TRPC6: variants seen among roughly 807,000 people sequenced by gnomAD.
TRPC6 encodes short transient receptor potential channel 6.
A neutral mutation model predicts 90.7 loss-of-function variants in TRPC6; 55 were observed. The ratio of observed to expected loss-of-function variants is 0.61; its 90% CI spans 0.49 to 0.76. The LOEUF is 0.76. Ranked by LOEUF, TRPC6 falls within the 30% of genes least tolerant of loss-of-function variation. TRPC6 has a pLI of 0.00. For missense variants in TRPC6, 989 were observed against 1,122.7 expected, an observed-to-expected ratio of 0.88 and a Z score of 1.70; for synonymous variants, 393 against 393.0, an observed-to-expected ratio of 1.00 and a Z score of 0.00.
Position 101,452,760 on chromosome 11 carries a change from A to G in TRPC6, c.*195T>C. ...CTGGGCATAATTTTCCTCATTATCT[A>G]CAGCCTTTACCCTGAACAATGGAGT... On this transcript the variant is annotated 3_prime_UTR_variant, in exon 13 of 13. Transcript: ENST00000344327. 8.3e-6 allele frequency: 5 copies of G among 603,102 alleles called. No homozygotes were observed. Among genetic ancestry groups the G allele is most frequent in the Admixed American group, 3.0e-5 (1 of 33,300 alleles). 37.4% of individuals were successfully genotyped at this position (603,102 alleles called of 1,614,324 possible).
At chr11:101,476,256 G>A (rs1308935272) in intron 6 of TRPC6, 45 bp downstream of exon 6, 2 of 1,552,556 alleles carry the variant, frequency 1.3e-6, no homozygotes, top group Non-Finnish European at 1.8e-6. Flanking sequence ...TGTTTTACAA[G>A]AAAATTCTGC....
chr11:101,555,262 C>G (rs750973866), intron 1 of TRPC6, among the ~76,000 whole-genome samples: 1 of 152,218 alleles, frequency 6.6e-6, no homozygotes, highest in Non-Finnish European at 1.5e-5. Context: ...ATGGAACATA[C>G]GAGGACTCCA....
At chr11:101,487,600 T>A (rs1235230924) in intron 4 of TRPC6, among the ~76,000 whole-genome samples, 1 of 151,212 alleles carries the variant, frequency 6.6e-6, no homozygotes, top group Non-Finnish European at 1.5e-5. Context: ...CACACATTAT[T>A]TTTCCAGGCA....
chr11:101,491,547 T>C lies in TRPC6; in HGVS notation c.1128+9A>G. On this transcript the variant is annotated intron_variant, in intron 3 of 12. Transcript: ENST00000344327. The stretch of plus-strand genomic sequence containing the variant: ...AAATAATGTAAACGGGCTTCACGCC[T>C]GACCTTACTTTTTTTACTTCATATT... 1 of 1,613,628 alleles carries C rather than the reference T, an allele frequency of 6.2e-7. No individual in the cohort carries two copies. Among genetic ancestry groups the C allele is most frequent in the African/African-American group, 1.3e-5 (1 of 75,054 alleles).
chr11:101,519,786 G>A (rs113276686), intron 1 of TRPC6: 1,801 of 153,926 alleles, frequency 0.012, 30 homozygotes, highest in African/African-American at 0.04. Flanking sequence ...ATCTAGATTC[G>A]ATGACCTGAA....
In TRPC6 at chr11:101,469,436, G is replaced by T. The variant is rs779070806; in HGVS notation, c.2475C>A (p.Asp825Glu). Reference protein sequence around the residue: ...SHEDLSKLSLDKKQVGHNKQP... With the variant: ...SHEDLSKLSLEKKQVGHNKQP... ...TCAAATATGAGCTTACCTGTTTTTTGTCAAGTGATAATTTTGAAAGGTCTT... is the reference window on the plus strand; with the variant it reads ...TCAAATATGAGCTTACCTGTTTTTTTTCAAGTGATAATTTTGAAAGGTCTT... Residue 825 changes from aspartate to glutamate, a missense_variant, in exon 10 of 13, where the codon GAC becomes GAA. Asp to Glu is a conservative substitution (Grantham distance 45). Coordinates refer to ENST00000344327, the MANE Select transcript of TRPC6 (RefSeq NM_004621.6). The T allele has an allele frequency of 1.3e-6, 1 of 771,962 alleles. No individual in the cohort carries two copies. The highest frequency in any genetic ancestry group is 2.4e-6 in the Non-Finnish European group (1 of 413,246). The allele number at this position is 771,962 out of a possible 1,614,324, so 47.8% of individuals were successfully genotyped here.
intron 11 of TRPC6, among the ~76,000 whole-genome samples, chr11:101,454,074 A>T (rs1858828689): frequency 6.6e-6 from 1 of 152,136 alleles, no homozygotes; most frequent in Non-Finnish European, 1.5e-5. Flanking sequence ...CTGCTCGTGG[A>T]AATGGGAAAT....
At chr11:101,575,885 T>C (rs1479293039) in intron 1 of TRPC6, among the ~76,000 whole-genome samples, 3 of 152,142 alleles carry the variant, frequency 2.0e-5, no homozygotes, top group Admixed American at 2.0e-4. Context: ...AGCCAACGTG[T>C]GGCTTTCCAA....
At chr11:101,491,295 G>T in intron 3 of TRPC6, 1 of 355,118 alleles carries the variant, frequency 2.8e-6, no homozygotes, top group South Asian at 2.4e-5. Flanking sequence ...TTAGCCGGGC[G>T]TGGTGGTGGG....
intron 2 of TRPC6, among the ~76,000 whole-genome samples, chr11:101,492,097 C>A (rs1859840729): frequency 6.6e-6 from 1 of 152,040 alleles, no homozygotes; most frequent in South Asian, 2.1e-4. Context: ...CCTCGGCCTC[C>A]CAAAGTGCTG....
At chr11:101,554,024 T>C (rs1030120857) in intron 1 of TRPC6, among the ~76,000 whole-genome samples, 4 of 152,120 alleles carry the variant, frequency 2.6e-5, no homozygotes, top group African/African-American at 4.8e-5. Flanking sequence ...GCAATGCACA[T>C]GGAAATACAG....
intron 1 of TRPC6, among the ~76,000 whole-genome samples, chr11:101,567,869 G>A (rs1218782428): frequency 6.6e-6 from 1 of 152,134 alleles, no homozygotes; most frequent in Non-Finnish European, 1.5e-5. Flanking sequence ...CAAAGGTCAT[G>A]GACTTCAAAT....
intron 1 of TRPC6, among the ~76,000 whole-genome samples, chr11:101,517,101 A>G (rs1220254260): frequency 2.0e-5 from 3 of 152,216 alleles, no homozygotes; most frequent in African/African-American, 7.2e-5. Context: ...ATTTGTCTAT[A>G]TCCATTTGCA....
At position 101,452,125 on chromosome 11, in the gene TRPC6, G is replaced by GT. The variant is rs1204448144; in HGVS notation, c.*829dup. 1 of 152,104 alleles carries GT rather than the reference G, an allele frequency of 6.6e-6. No individual in the cohort carries two copies. Among genetic ancestry groups the GT allele is most frequent in the Non-Finnish European group, 1.5e-5 (1 of 68,026 alleles). The allele number at this position is 152,104 out of a possible 1,614,324, so 9.4% of individuals were successfully genotyped here. On this transcript the variant is annotated 3_prime_UTR_variant, in exon 13 of 13. Transcript: ENST00000344327. ...TATAATGGAACCAAACAACCACAGT[G>GT]TTTGTTTGGGGTTTTGATTTTTCTC...
At chr11:101,561,908 G>T (rs1053462224) in intron 1 of TRPC6, among the ~76,000 whole-genome samples, 1 of 151,358 alleles carries the variant, frequency 6.6e-6, no homozygotes, top group African/African-American at 2.4e-5. Flanking sequence ...AGATATTAAA[G>T]AATATACATT....
chr11:101,579,679 C>T (rs967805260), intron 1 of TRPC6, among the ~76,000 whole-genome samples: 20 of 152,260 alleles, frequency 1.3e-4, no homozygotes, highest in Non-Finnish European at 2.5e-4. Flanking sequence ...ACCCCAAAAA[C>T]GATATTCTCA....
intron 1 of TRPC6, among the ~76,000 whole-genome samples, chr11:101,574,770 T>C (rs1862037690): frequency 1.3e-5 from 2 of 152,186 alleles, no homozygotes; most frequent in South Asian, 4.1e-4. Flanking sequence ...TTTTTATCTG[T>C]AACAGTTTAG....
intron 4 of TRPC6, among the ~76,000 whole-genome samples, chr11:101,485,277 T>C (rs139839206): frequency 5.3e-4 from 68 of 128,572 alleles, no homozygotes; most frequent in African/African-American, 2.3e-3. Flanking sequence ...GGAGTATTTT[T>C]GTTTTTTTTT....
chr11:101,566,714 G>C (rs1338744642), intron 1 of TRPC6, among the ~76,000 whole-genome samples: 1 of 152,106 alleles, frequency 6.6e-6, no homozygotes, highest in East Asian at 1.9e-4. Context: ...TTGGACAGTG[G>C]GTGCAACACA....
Sources: allele counts gnomAD v4.1 joint callset (sites outside exome capture counted in the v4.1 genomes callset), GRCh38; gene constraint gnomAD v4.1.1; transcripts MANE v1.5; gene names NCBI Gene and HGNC (gene_info 2026-07-23, HGNC 2026-07-21).